Variants in CCDC7 observed in about 807,000 individuals in gnomAD.
CCDC7 encodes coiled-coil domain-containing protein 7.
A neutral mutation model predicts 196.9 loss-of-function variants in CCDC7; 183 were observed. The ratio of observed to expected loss-of-function variants is 0.93; its 90% CI spans 0.82 to 1.05. The LOEUF is 1.05. Ranked by LOEUF, CCDC7 falls within the 50% of genes least tolerant of loss-of-function variation. The pLI is 0.00. For synonymous variants in CCDC7, 525 were observed against 484.6 expected (o/e 1.08, Z -1.10); for missense variants, 1,540 against 1,482.2 (o/e 1.04, Z -0.64).
At chr10:32,765,173 C>G (rs2504349) in intron 28 of CCDC7, among the ~76,000 whole-genome samples, 7 of 151,926 alleles carry the variant, frequency 4.6e-5, no homozygotes, top group Non-Finnish European at 8.8e-5. Context: ...GTATACTGCC[C>G]AAAATTTATA....
intron 9 of CCDC7, among the ~76,000 whole-genome samples, chr10:32,496,876 G>A (rs137946573): frequency 3.9e-5 from 6 of 152,246 alleles, no homozygotes; most frequent in East Asian, 1.9e-4. Flanking sequence ...TCTCTGCCAG[G>A]TCTTGGTATC....
At chr10:32,613,406 A>C (rs900378038) in intron 18 of CCDC7, among the ~76,000 whole-genome samples, 4 of 151,934 alleles carry the variant, frequency 2.6e-5, no homozygotes, top group African/African-American at 9.7e-5. Context: ...TTGTGTCTCT[A>C]TCTCCTTCAG....
At chr10:32,811,127 T>A in intron 30 of CCDC7, among the ~76,000 whole-genome samples, 1 of 150,832 alleles carries the variant, frequency 6.6e-6, no homozygotes, top group South Asian at 2.1e-4. Context: ...AACAAACCAA[T>A]CACAACAAAA....
In CCDC7 at chr10:32,874,207, G is replaced by A. The variant is rs191469519; in HGVS notation, c.4112-2140G>A. On this transcript the variant is annotated intron_variant, in intron 41 of 41. Coordinates refer to ENST00000639629, the Ensembl canonical transcript of CCDC7. Reference sequence around the variant, plus strand: ...TATATAAATATATTAACATAAATGTGTATATAATTTAATATAAAATGTATA... The same window carrying A: ...TATATAAATATATTAACATAAATGTATATATAATTTAATATAAAATGTATA... Among the ~76,000 whole-genome samples the A allele has an allele frequency of 6.0e-3, 887 of 148,862 alleles. 8 individuals carry two copies. Among genetic ancestry groups the A allele is most frequent in the African/African-American group, 0.021 (846 of 40,914 alleles).
At chr10:32,713,273 C>T (rs1266280338) in intron 25 of CCDC7, among the ~76,000 whole-genome samples, 4 of 152,208 alleles carry the variant, frequency 2.6e-5, no homozygotes, top group South Asian at 2.1e-4. Context: ...GTTTCCTCCT[C>T]GTCCTCATGT....
intron 16 of CCDC7, among the ~76,000 whole-genome samples, chr10:32,577,981 A>C (rs563878210): frequency 3.3e-5 from 5 of 152,352 alleles, no homozygotes; most frequent in African/African-American, 9.6e-5. Context: ...GTAGGAAATG[A>C]CAAATAACTT....
intron 20 of CCDC7, among the ~76,000 whole-genome samples, chr10:32,651,879 G>A (rs182307573): frequency 6.6e-6 from 1 of 152,200 alleles, no homozygotes; most frequent in African/African-American, 2.4e-5. Flanking sequence ...TGCCCTTTGG[G>A]AAGATTTAGG....
At chr10:32,823,942 C>CT (rs1014742237) in intron 31 of CCDC7, among the ~76,000 whole-genome samples, 18 of 152,182 alleles carry the variant, frequency 1.2e-4, no homozygotes, top group African/African-American at 4.1e-4. Context: ...ATTTATTATT[C>CT]TTTTTTATCA....
intron 21 of CCDC7, among the ~76,000 whole-genome samples, chr10:32,665,595 T>G (rs2072495318): frequency 6.6e-6 from 1 of 152,122 alleles, no homozygotes; most frequent in Non-Finnish European, 1.5e-5. Flanking sequence ...TTTGTACCAG[T>G]ACCATGCTGT....
intron 29 of CCDC7, among the ~76,000 whole-genome samples, chr10:32,781,326 GA>G (rs2081035131): frequency 6.6e-6 from 1 of 152,084 alleles, no homozygotes; most frequent in African/African-American, 2.4e-5. Flanking sequence ...GCATTATCTT[GA>G]TACTAAAGTC....
chr10:32,650,078 A>G (rs536411515), intron 20 of CCDC7, among the ~76,000 whole-genome samples: 1 of 152,296 alleles, frequency 6.6e-6, no homozygotes, highest in African/African-American at 2.4e-5. Flanking sequence ...AGGCAAGGCG[A>G]CATTCTGGCT....
At chr10:32,748,403 C>G (rs779070646) in intron 28 of CCDC7, among the ~76,000 whole-genome samples, 6 of 152,114 alleles carry the variant, frequency 3.9e-5, no homozygotes, top group Non-Finnish European at 8.8e-5. Flanking sequence ...AACCTTGTAT[C>G]CTGCAACCTT....
At chr10:32,712,626 G>A (rs1368269968) in intron 25 of CCDC7, among the ~76,000 whole-genome samples, 2 of 152,210 alleles carry the variant, frequency 1.3e-5, no homozygotes, top group African/African-American at 4.8e-5. Context: ...AATTTTGGAA[G>A]CCTTGTGGAA....
intron 15 of CCDC7, among the ~76,000 whole-genome samples, chr10:32,568,836 C>T (rs890918108): frequency 5.3e-5 from 8 of 152,340 alleles, no homozygotes; most frequent in South Asian, 2.1e-4. Flanking sequence ...TGCCGCATTA[C>T]AGTGAGTAAT....
chr10:32,687,911 GA>G (rs2076643647), intron 22 of CCDC7, among the ~76,000 whole-genome samples: 1 of 152,248 alleles, frequency 6.6e-6, no homozygotes, highest in South Asian at 2.1e-4. Context: ...CTGGCCAGAA[GA>G]TCCTTAGTGG....
rs577003655 is a variant in CCDC7 at position 32,537,906 on chromosome 10, T to C, written c.994-5394T>C. ...TTTTGGTTACTGTAGCCCTTTAGTA[T>C]AGTTTTAAGTTGGGTATGTGATGCC... On this transcript the variant is annotated intron_variant, in intron 11 of 41. Transcript: ENST00000639629. 5.3e-5 allele frequency among the ~76,000 whole-genome samples: 8 copies of C among 152,304 alleles called. No homozygotes were observed. In the East Asian group the frequency reaches 1.5e-3, roughly 29 times the overall value.
chr10:32,854,655 T>G (rs2093684086), intron 41 of CCDC7, among the ~76,000 whole-genome samples, 166 bp downstream of exon 42: 1 of 152,202 alleles, frequency 6.6e-6, no homozygotes, highest in Non-Finnish European at 1.5e-5. Flanking sequence ...AAAATATATA[T>G]GTAAACAGTG....
intron 41 of CCDC7, among the ~76,000 whole-genome samples, chr10:32,867,105 A>C (rs1380507160): frequency 6.6e-6 from 1 of 151,648 alleles, no homozygotes; most frequent in Non-Finnish European, 1.5e-5. Context: ...AGACTAAAAA[A>C]ACCCACAAAT....
chr10:32,621,005 A>G (rs72795571), intron 18 of CCDC7, among the ~76,000 whole-genome samples: 13,062 of 152,140 alleles, frequency 0.086, 878 homozygotes, highest in South Asian at 0.25. Flanking sequence ...CCCATCTCCA[A>G]CCTACTCTGC....
Sources: gnomAD v4.1 joint callset for allele counts (sites outside exome capture counted in the v4.1 genomes callset) on GRCh38, gnomAD v4.1.1 for gene constraint, MANE v1.5 for transcripts, NCBI Gene and HGNC (gene_info 2026-07-23, HGNC 2026-07-21) for gene names.